PUM1: variants seen among roughly 807,000 people sequenced by gnomAD.
PUM1 encodes the protein pumilio RNA binding family member 1, also known as pumilio homolog 1.
In PUM1, 13 loss-of-function variants were observed where a neutral mutation model predicts 131.8. The observed-to-expected ratio is 0.10, with a 90% confidence interval of 0.06 to 0.16. The LOEUF (loss-of-function observed/expected upper bound fraction) is 0.16. Ranked by LOEUF, PUM1 falls within the 10% of genes least tolerant of loss-of-function variation. The pLI, the probability that PUM1 is intolerant of heterozygous loss-of-function variation, is 1.00. For missense variants in PUM1, 961 were observed against 1,512.4 expected, an observed-to-expected ratio of 0.64 and a Z score of 6.05; for synonymous variants, 509 against 556.5, an observed-to-expected ratio of 0.91 and a Z score of 1.20.
At chr1:31,057,014 A>G (rs1644256664) in intron 2 of PUM1, among the ~76,000 whole-genome samples, 1 of 152,012 alleles carries the variant, frequency 6.6e-6, no homozygotes, top group South Asian at 2.1e-4. Context: ...GCTGGTCTCA[A>G]ACTCCTTACC....
chr1:31,038,984 A>ATATTTTTTTTTTTTTTTTTT lies in PUM1; in HGVS notation c.364-10121_364-10120insAAAAAAAAAAAAAAAAAATA. ...TATATATATATATATATATATATAT[A>ATATTTTTTTTTTTTTTTTTT]TTTTTTTTTTTTTTTTCCTTTTCTC... On this transcript the variant is annotated intron_variant, in intron 2 of 21. Transcript: ENST00000426105. 6.1e-5 allele frequency among the ~76,000 whole-genome samples: 3 copies of ATATTTTTTTTTTTTTTTTTT among 49,418 alleles called. No individual in the cohort carries two copies. In the African/African-American group the frequency reaches 6.2e-4, roughly 10 times the overall value. 32.4% of individuals were successfully genotyped at this position (49,418 alleles called of 152,430 possible). A position where few individuals can be genotyped will look rare whatever the true frequency, so the allele number is the denominator to read the frequency against.
chr1:30,976,992 T>C (rs1641160574), intron 9 of PUM1, among the ~76,000 whole-genome samples: 1 of 152,094 alleles, frequency 6.6e-6, no homozygotes, highest in Admixed American at 6.6e-5. Flanking sequence ...GGTAAACAGG[T>C]AGAGTGTTCC....
chr1:30,971,661 T>C (rs1172657483), intron 10 of PUM1, among the ~76,000 whole-genome samples: 1 of 152,210 alleles, frequency 6.6e-6, no homozygotes, highest in African/African-American at 2.4e-5. Flanking sequence ...TGTGTGACCC[T>C]GGGCACACAA....
At chr1:30,946,466 A>G (rs1639674609) in intron 17 of PUM1, among the ~76,000 whole-genome samples, 1 of 151,500 alleles carries the variant, frequency 6.6e-6, no homozygotes, top group South Asian at 2.1e-4. Context: ...GTGAAACCCC[A>G]TCTCTACTAA....
rs972554983 is a variant in PUM1, at chr1:31,010,525, GC to G, written c.433-3424del. On this transcript the variant is annotated intron_variant, in intron 3 of 21. Transcript: ENST00000426105. ...CTGCCCTATACAGACGCCACATGAA[GC>G]CAAGAGAGAGACATCTCTGGACAAC... 2.2e-4 allele frequency among the ~76,000 whole-genome samples: 33 copies of G among 152,292 alleles called. No homozygotes were observed. In the South Asian group the frequency reaches 6.0e-3, roughly 28 times the overall value.
intron 14 of PUM1, among the ~76,000 whole-genome samples, chr1:30,957,641 A>C (rs1026768901): frequency 6.6e-6 from 1 of 152,230 alleles, no homozygotes; most frequent in African/African-American, 2.4e-5. Flanking sequence ...ATTTTGCATA[A>C]TTGTATATAA....
At chr1:31,018,446 A>C (rs925277831) in intron 3 of PUM1, among the ~76,000 whole-genome samples, 2 of 152,200 alleles carry the variant, frequency 1.3e-5, no homozygotes, top group African/African-American at 4.8e-5. Context: ...ACCTGAGGTC[A>C]GGAGTTCGAG....
intron 5 of PUM1, among the ~76,000 whole-genome samples, chr1:31,004,209 G>C (rs1390606531): frequency 6.6e-6 from 1 of 152,200 alleles, no homozygotes; most frequent in Non-Finnish European, 1.5e-5. Flanking sequence ...AGAAAAATAA[G>C]TGGCAAAATG....
intron 2 of PUM1, among the ~76,000 whole-genome samples, chr1:31,029,570 G>C (rs957564355): frequency 6.6e-6 from 1 of 152,206 alleles, no homozygotes; most frequent in African/African-American, 2.4e-5. Context: ...GTGTGAAATA[G>C]ATTATTCAAA....
chr1:30,941,326 G>T, intron 19 of PUM1, 54 bp from the exon 20 acceptor site: 1 of 1,554,634 alleles, frequency 6.4e-7, no homozygotes, highest in Non-Finnish European at 8.8e-7. Flanking sequence ...AGTTCTGCAG[G>T]TTACTTAAGT....
intron 3 of PUM1, among the ~76,000 whole-genome samples, chr1:31,008,846 ACTTATTTTT>A (rs1371147083): frequency 1.3e-5 from 2 of 152,022 alleles, no homozygotes; most frequent in East Asian, 3.9e-4. Context: ...TTATTTTTAA[ACTTATTTTT>A]CTCCTTTTAG....
chr1:31,008,492 C>T (rs1416530951), intron 3 of PUM1, among the ~76,000 whole-genome samples: 1 of 151,976 alleles, frequency 6.6e-6, no homozygotes, highest in African/African-American at 2.4e-5. Flanking sequence ...CCTGGTGTAC[C>T]ACTTATTACC....
At chr1:30,984,976 C>A (rs749670096) in intron 7 of PUM1, among the ~76,000 whole-genome samples, 1 of 152,052 alleles carries the variant, frequency 6.6e-6, no homozygotes, top group Admixed American at 6.6e-5. Flanking sequence ...GACTTTTTTA[C>A]CAGTTTGAGA....
At chr1:31,065,194 A>C (rs1220299947) in intron 1 of PUM1, among the ~76,000 whole-genome samples, 1 of 152,204 alleles carries the variant, frequency 6.6e-6, no homozygotes, top group East Asian at 1.9e-4. Context: ...GAAGCTCAAG[A>C]AGTCGAAGAA....
At chr1:30,952,161 T>C in intron 16 of PUM1, 73 bp downstream of exon 16, 1 of 1,479,010 alleles carries the variant, frequency 6.8e-7, no homozygotes, top group South Asian at 1.1e-5. Context: ...CTGCTATGCT[T>C]AAAAAGGCTA....
At chr1:30,969,758 C>T (rs1485679471) in intron 10 of PUM1, among the ~76,000 whole-genome samples, 1 of 152,042 alleles carries the variant, frequency 6.6e-6, no homozygotes, top group Non-Finnish European at 1.5e-5. Flanking sequence ...CCCCTGCATC[C>T]CAGGCTGAAG....
At chr1:31,065,324 G>T (rs561456075) in intron 1 of PUM1, among the ~76,000 whole-genome samples, 1 of 152,168 alleles carries the variant, frequency 6.6e-6, no homozygotes, top group Admixed American at 6.5e-5. Context: ...ACAGGGCCAG[G>T]CAAAAATGTA....
At chr1:30,958,536 G>A (rs974936577) in intron 14 of PUM1, among the ~76,000 whole-genome samples, 1 of 152,162 alleles carries the variant, frequency 6.6e-6, no homozygotes, top group African/African-American at 2.4e-5. Context: ...CTGTAAGCAT[G>A]GAGAAGCATT....
At chr1:31,033,597 C>A (rs1383568288) in intron 2 of PUM1, among the ~76,000 whole-genome samples, 3 of 152,046 alleles carry the variant, frequency 2.0e-5, no homozygotes, top group Admixed American at 6.6e-5. Context: ...AAGCCCTAAG[C>A]CCAAGTGATC....
Sources: allele counts gnomAD v4.1 joint callset (sites outside exome capture counted in the v4.1 genomes callset), GRCh38; gene constraint gnomAD v4.1.1; transcripts MANE v1.5; gene names NCBI Gene and HGNC (gene_info 2026-07-23, HGNC 2026-07-21).